Variants in LDB2 observed in about 807,000 individuals in gnomAD.
LDB2 encodes the protein LIM domain-binding protein 2.
LDB2 carries 12 observed loss-of-function variants against 44.3 expected under a neutral mutation model. The observed-to-expected ratio is 0.27, with a 90% CI of 0.17 to 0.44. The LOEUF (loss-of-function observed/expected upper bound fraction) is 0.44, where lower values mean the gene tolerates loss of function less well. Ranked by LOEUF, LDB2 falls within the 20% of genes least tolerant of loss-of-function variation. The pLI, the probability that LDB2 is intolerant of heterozygous loss-of-function variation, is 1.00. For synonymous variants in LDB2, 164 were observed against 174.8 expected (o/e 0.94, Z 0.49); for missense variants, 344 against 473.5 (o/e 0.73, Z 2.54).
At chr4:16,618,625 G>T (rs1728031318) in intron 2 of LDB2, among the ~76,000 whole-genome samples, 1 of 152,212 alleles carries the variant, frequency 6.6e-6, no homozygotes, top group Non-Finnish European at 1.5e-5. Flanking sequence ...AATCTGCTCT[G>T]CTCTGTTCAA....
intron 2 of LDB2, among the ~76,000 whole-genome samples, chr4:16,611,777 AC>A (rs1725703432): frequency 6.6e-6 from 1 of 152,032 alleles, no homozygotes; most frequent in Non-Finnish European, 1.5e-5. Flanking sequence ...AGACTTTAAC[AC>A]CCCACTGTCA....
At chr4:16,822,572 A>G (rs577268184) in intron 1 of LDB2, among the ~76,000 whole-genome samples, 1 of 152,170 alleles carries the variant, frequency 6.6e-6, no homozygotes, top group South Asian at 2.1e-4. Flanking sequence ...CTGGAGTGCT[A>G]CAGTGGCACG....
intron 2 of LDB2, among the ~76,000 whole-genome samples, chr4:16,725,323 A>C (rs1193137862): frequency 6.6e-6 from 1 of 152,046 alleles, no homozygotes; most frequent in East Asian, 1.9e-4. Context: ...GAGAGATTGA[A>C]TATGCCAATA....
rs1025891893 is a variant in LDB2 at position 16,533,691 on chromosome 4, T to A, written c.616-21587A>T. 1.3e-5 allele frequency among the ~76,000 whole-genome samples: 2 copies of A among 152,238 alleles called. No individual in the cohort carries two copies. The highest frequency in any genetic ancestry group is 4.8e-5 in the African/African-American group (2 of 41,464). ...CTTGTCTGAGGGACGTCACCCTGGC[T>A]GAACAAATGGTTGCTTATGTAAAAG... On this transcript the variant is annotated intron_variant, in intron 5 of 7. Coordinates refer to ENST00000304523, the MANE Select transcript of LDB2 (RefSeq NM_001290.5). This position sits in a 1 kb window ranked among gnomAD's most constrained non-coding sequence, Gnocchi z 4.1.
intron 1 of LDB2, among the ~76,000 whole-genome samples, chr4:16,864,972 G>A (rs769932721): frequency 4.6e-5 from 7 of 151,998 alleles, no homozygotes; most frequent in Non-Finnish European, 1.0e-4. Flanking sequence ...GGCCAGGCGC[G>A]GTGTGGCTCA....
chr4:16,593,617 G>A (rs977160385), intron 3 of LDB2, among the ~76,000 whole-genome samples: 5 of 152,116 alleles, frequency 3.3e-5, no homozygotes, highest in African/African-American at 9.7e-5. Flanking sequence ...TTTTCATCAC[G>A]GTATGGAAAT....
intron 2 of LDB2, among the ~76,000 whole-genome samples, chr4:16,644,123 AGTATGGTACTCCC>A (rs1372561463): frequency 6.6e-6 from 1 of 152,222 alleles, no homozygotes; most frequent in Non-Finnish European, 1.5e-5. Flanking sequence ...AATGCCATTA[AGTATGGTACTCCC>A]GTTTGAAGAA....
chr4:16,579,679 G>T (rs892067235), intron 5 of LDB2, among the ~76,000 whole-genome samples: 17 of 152,174 alleles, frequency 1.1e-4, no homozygotes, highest in Non-Finnish European at 1.9e-4. Context: ...GTTCTAGGTA[G>T]TGATTTTAGA....
intron 2 of LDB2, among the ~76,000 whole-genome samples, chr4:16,717,693 C>T (rs1259842485): frequency 6.6e-6 from 1 of 152,146 alleles, no homozygotes; most frequent in Non-Finnish European, 1.5e-5. Context: ...TCCTTATACA[C>T]AAATCTGATA....
chr4:16,769,436 A>G (rs947760962), intron 1 of LDB2, among the ~76,000 whole-genome samples: 44 of 152,002 alleles, frequency 2.9e-4, no homozygotes, highest in African/African-American at 9.9e-4. Flanking sequence ...AGCTGGGATT[A>G]CAGGAGCCCA....
intron 2 of LDB2, chr4:16,752,605 G>A (rs28687252): frequency 0.016 from 4,567 of 286,804 alleles, 111 homozygotes; most frequent in African/African-American, 0.068. Context: ...TCTGTCATTC[G>A]TCCATTCATT....
Position 16,749,567 on chromosome 4 carries a change from A to AT in LDB2, c.235+9590_235+9591insA, listed in dbSNP as rs1323434919. On this transcript the variant is annotated intron_variant, in intron 2 of 7. Coordinates refer to ENST00000304523, the MANE Select transcript of LDB2 (RefSeq NM_001290.5). ...GAGCAAGACTCCATCTCAAAAAAAA[A>AT]AAAAATAAAAAAATAAAAAAAAATA... Among the ~76,000 whole-genome samples the AT allele has an allele frequency of 8.0e-5, 11 of 137,042 alleles. 1 individual carries two copies. Among genetic ancestry groups the AT allele is most frequent in the African/African-American group, 2.6e-4 (9 of 34,506 alleles). 89.9% of individuals were successfully genotyped at this position (137,042 alleles called of 152,430 possible).
chr4:16,755,513 G>GTA (rs1451844321), intron 2 of LDB2, among the ~76,000 whole-genome samples: 1 of 95,912 alleles, frequency 1.0e-5, no homozygotes, highest in East Asian at 2.5e-4. Context: ...GTGTGTGTGT[G>GTA]TGTGTGTGTG....
chr4:16,731,223 C>T (rs1488421327), intron 2 of LDB2, among the ~76,000 whole-genome samples: 2 of 152,008 alleles, frequency 1.3e-5, no homozygotes, highest in African/African-American at 4.8e-5. Context: ...CTGGAATGGA[C>T]TGGACTGGAA....
chr4:16,792,326 T>C (rs1399400060), intron 1 of LDB2, among the ~76,000 whole-genome samples: 2 of 152,258 alleles, frequency 1.3e-5, no homozygotes, highest in Non-Finnish European at 2.9e-5. Flanking sequence ...TAAAGTGTTT[T>C]ACAAATATTC....
Position 16,556,051 on chromosome 4 carries a change from A to T in LDB2, c.615+29871T>A, listed in dbSNP as rs376398212. 5.9e-5 allele frequency among the ~76,000 whole-genome samples: 9 copies of T among 152,286 alleles called. No homozygotes were observed. The East Asian group carries it at 7.7e-4, about 13-fold the overall frequency. On this transcript the variant is annotated intron_variant, in intron 5 of 7. Coordinates refer to ENST00000304523, the MANE Select transcript of LDB2 (RefSeq NM_001290.5). ...TTTCTCCTCTAGCTAAAACCAACTCATCCTTAAAACAGTCCAACTATCACC... is the reference window on the plus strand; with the variant it reads ...TTTCTCCTCTAGCTAAAACCAACTCTTCCTTAAAACAGTCCAACTATCACC...
chr4:16,556,012 ATGTTC>A (rs1383207828), intron 5 of LDB2, among the ~76,000 whole-genome samples: 3 of 152,128 alleles, frequency 2.0e-5, no homozygotes, highest in Non-Finnish European at 2.9e-5. Context: ...GAGGAGTATT[ATGTTC>A]TTCCCCTGTT....
intron 5 of LDB2, among the ~76,000 whole-genome samples, chr4:16,522,858 T>G (rs1245659321): frequency 1.3e-5 from 2 of 152,206 alleles, no homozygotes; most frequent in African/African-American, 2.4e-5. Context: ...GAAAGAGGAA[T>G]CATCTGCCTG....
At chr4:16,655,177 G>A (rs1484958877) in intron 2 of LDB2, among the ~76,000 whole-genome samples, 1 of 152,176 alleles carries the variant, frequency 6.6e-6, no homozygotes, top group African/African-American at 2.4e-5. Flanking sequence ...CCCAGCATGT[G>A]GAAGCACCGC....
Sources: gnomAD v4.1 joint callset for allele counts (sites outside exome capture counted in the v4.1 genomes callset) on GRCh38, gnomAD v4.1.1 for gene constraint, Gnocchi (gnomAD v3.1) non-coding constraint, MANE v1.5 for transcripts, NCBI Gene and HGNC (gene_info 2026-07-23, HGNC 2026-07-21) for gene names.